RRBP1: variants seen among roughly 807,000 people sequenced by gnomAD.
RRBP1 encodes the protein ribosome binding protein 1.
A neutral mutation model predicts 165.2 loss-of-function variants in RRBP1; 94 were observed. The observed-to-expected ratio is 0.57, with a 90% CI of 0.48 to 0.68. The LOEUF is 0.68. RRBP1 is among the 30% of genes least tolerant of loss of function. The pLI is 0.00. For missense variants in RRBP1, 1,676 were observed against 1,763.0 expected, an observed-to-expected ratio of 0.95 and a Z score of 0.88; for synonymous variants, 680 against 714.5, an observed-to-expected ratio of 0.95 and a Z score of 0.77.
chr20:17,623,192 T>TG (rs2035949163), intron 13 of RRBP1: 2 of 152,264 alleles, frequency 1.3e-5, no homozygotes, highest in Non-Finnish European at 2.9e-5. Context: ...CTGAGGTCAC[T>TG]GGGGGCTACA....
chr20:17,616,053 C>A (rs775889664), intron 21 of RRBP1, 44 bp from the exon 22 acceptor site: 19 of 1,547,870 alleles, frequency 1.2e-5, no homozygotes, highest in South Asian at 9.0e-5. Context: ...CGGTGAGGAA[C>A]CCTCCAGGGG....
intron 3 of RRBP1, among the ~76,000 whole-genome samples, chr20:17,644,847 GA>G (rs1370012681): frequency 6.6e-6 from 1 of 152,216 alleles, no homozygotes; most frequent in Non-Finnish European, 1.5e-5. Context: ...ATTGTATGTT[GA>G]AATAACATTT....
At chr20:17,615,031 A>G in intron 23 of RRBP1, 151 bp from the exon 24 acceptor site, 1 of 879,536 alleles carries the variant, frequency 1.1e-6, no homozygotes, top group Non-Finnish European at 1.8e-6. Context: ...TGGTGACGAC[A>G]GGGAGGAAAC....
chr20:17,629,233 C>A (rs773544818), intron 9 of RRBP1, among the ~76,000 whole-genome samples: 1 of 152,190 alleles, frequency 6.6e-6, no homozygotes, highest in Non-Finnish European at 1.5e-5. Context: ...GGGAGGGGCT[C>A]GGGAAGCGCC....
At chr20:17,633,750 T>G in intron 7 of RRBP1, 137 bp from the exon 8 acceptor site, 1 of 813,970 alleles carries the variant, frequency 1.2e-6, no homozygotes, top group East Asian at 2.6e-5. Context: ...AAAGCCACTT[T>G]TCCATTATCA....
At position 17,659,302 on chromosome 20, in the gene RRBP1, A is replaced by C. The variant is rs112484631; in HGVS notation, c.1206T>G (p.Ala402=). ...TTTTGCCCTGGTTCTGGGCACCCTCAGCCTTCTTGCCCTGGTTCTGGGCCC... is the reference window on the plus strand; with the variant it reads ...TTTTGCCCTGGTTCTGGGCACCCTCCGCCTTCTTGCCCTGGTTCTGGGCCC... ...VEGAQNQGKK[A]EGAQNQGKKA... The change falls in exon 3 of 25, where the codon GCT becomes GCG. Residue 402 remains alanine, a synonymous_variant. Transcript: ENST00000377813. 4 of 1,112,990 alleles carry C rather than the reference A, an allele frequency of 3.6e-6. No homozygotes were observed. Among genetic ancestry groups the C allele is most frequent in the Non-Finnish European group, 4.5e-6 (4 of 896,674 alleles). 68.9% of individuals were successfully genotyped at this position (1,112,990 alleles called of 1,614,324 possible).
At chr20:17,653,518 T>C (rs927584877) in intron 3 of RRBP1, among the ~76,000 whole-genome samples, 2 of 152,166 alleles carry the variant, frequency 1.3e-5, no homozygotes, top group African/African-American at 2.4e-5. Flanking sequence ...ATGAGACCAA[T>C]ACATACAGAT....
At chr20:17,662,452 G>A (rs1021288820) in intron 2 of RRBP1, among the ~76,000 whole-genome samples, 3 of 152,154 alleles carry the variant, frequency 2.0e-5, no homozygotes, top group Non-Finnish European at 4.4e-5. Context: ...ACTGTCACTC[G>A]GCGTTGAGCG....
chr20:17,630,187 T>C (rs1341490549), intron 8 of RRBP1, among the ~76,000 whole-genome samples: 2 of 152,236 alleles, frequency 1.3e-5, no homozygotes, highest in Non-Finnish European at 2.9e-5. Flanking sequence ...CCACACTCAC[T>C]TCCCAGTTCT....
intron 3 of RRBP1, among the ~76,000 whole-genome samples, chr20:17,655,376 T>G (rs1009299040): frequency 5.9e-5 from 9 of 152,258 alleles, no homozygotes; most frequent in African/African-American, 2.2e-4. Context: ...AGAAAGGAAT[T>G]GTACTGTATT....
At position 17,660,134 on chromosome 20, in the gene RRBP1, G is replaced by C. The variant is rs1373689259; in HGVS notation, c.374C>G (p.Pro125Arg). The change falls in exon 3 of 25, where the codon CCA becomes CGA. Residue 125 changes from proline to arginine, a missense_variant. Transcript: ENST00000377813. ...PIIVAPVATV[P>R]AMPQEKLASS... ...GGCCAGCTTCTCCTGGGGCATGGCT[G>C]GAACTGTGGCGACAGGAGCAACGAT... The C allele has an allele frequency of 1.2e-6, 2 of 1,614,038 alleles. No homozygotes were observed. The highest frequency in any genetic ancestry group is 1.7e-6 in the Non-Finnish European group (2 of 1,180,030).
At chr20:17,655,763 C>T (rs1387563426) in intron 3 of RRBP1, among the ~76,000 whole-genome samples, 1 of 152,240 alleles carries the variant, frequency 6.6e-6, no homozygotes, top group East Asian at 1.9e-4. Context: ...ACACAATTTA[C>T]AATGCCAGCA....
At chr20:17,641,508 T>C (rs999184011) in intron 5 of RRBP1, 2 of 490,130 alleles carry the variant, frequency 4.1e-6, no homozygotes, top group East Asian at 3.9e-5. Context: ...TCCATCCCCA[T>C]CACAAACTGA....
intron 3 of RRBP1, among the ~76,000 whole-genome samples, chr20:17,654,162 C>T (rs542164421): frequency 1.3e-5 from 2 of 152,340 alleles, no homozygotes; most frequent in South Asian, 4.1e-4. Flanking sequence ...GACCTCCTCA[C>T]ATCCCAGGGC....
rs1346630003 is a variant in RRBP1, at chr20:17,660,197, G to C, written c.311C>G (p.Ala104Gly). The C allele has an allele frequency of 6.2e-7, 1 of 1,614,040 alleles. No homozygotes were observed. Among genetic ancestry groups the C allele is most frequent in the Non-Finnish European group, 8.5e-7 (1 of 1,179,966 alleles). Reference protein sequence around the residue: ...VLLREPVRAPAVAVAPTPVQP... With the variant: ...VLLREPVRAPGVAVAPTPVQP... ...CACTGGGGTTGGAGCCACAGCCACA[G>C]CAGGAGCCCGCACTGGTTCTCGAAG... Residue 104 changes from alanine to glycine, a missense_variant, in exon 3 of 25, where the codon GCT becomes GGT. Physicochemically the swap from Ala to Gly is moderately conservative, Grantham distance 60. This residue lies in a region of RRBP1 where 392 missense variants were observed against 382.5 expected (regional missense o/e 1.02). Coordinates refer to ENST00000377813, the MANE Select transcript of RRBP1 (RefSeq NM_001365613.2).
At chr20:17,680,619 A>G in intron 1 of RRBP1, among the ~76,000 whole-genome samples, 1 of 151,996 alleles carries the variant, frequency 6.6e-6, no homozygotes, top group East Asian at 1.9e-4. Flanking sequence ...CGACCCTGTG[A>G]GTGGGTGGTG....
chr20:17,676,669 C>T (rs1423736300), intron 2 of RRBP1, among the ~76,000 whole-genome samples: 1 of 152,198 alleles, frequency 6.6e-6, no homozygotes, highest in African/African-American at 2.4e-5. Context: ...CAAACACAGT[C>T]CACGGCTGCC....
intron 2 of RRBP1, among the ~76,000 whole-genome samples, chr20:17,671,617 T>C (rs1383827708): frequency 6.6e-6 from 1 of 152,146 alleles, no homozygotes; most frequent in African/African-American, 2.4e-5. Context: ...TGACTCCCCT[T>C]CTCCATGAAG....
intron 19 of RRBP1, 112 bp from the exon 20 acceptor site, chr20:17,618,791 C>T (rs1324876552): frequency 5.1e-6 from 4 of 791,048 alleles, no homozygotes; most frequent in African/African-American, 1.7e-5. Flanking sequence ...TTAACCAAAA[C>T]CCTGAGGAGG....
Sources: allele counts gnomAD v4.1 joint callset (sites outside exome capture counted in the v4.1 genomes callset), GRCh38; gene constraint gnomAD v4.1.1; regional missense constraint gnomAD v4.1.1; transcripts MANE v1.5; gene names NCBI Gene and HGNC (gene_info 2026-07-23, HGNC 2026-07-21).